Variants in DACH1 observed in about 807,000 individuals in gnomAD.
DACH1 encodes dachshund homolog 1.
DACH1 carries 12 observed loss-of-function variants against 54.2 expected under a neutral mutation model. That is an observed-to-expected ratio of 0.22 (90% confidence interval 0.14 to 0.36). DACH1 has a LOEUF of 0.36. Ranked by LOEUF, DACH1 falls within the 10% of genes least tolerant of loss-of-function variation. The probability of loss-of-function intolerance (pLI) is 1.00; values close to 1 mark genes in which losing one functional copy is unlikely to be tolerated. For missense variants in DACH1, 805 were observed against 929.8 expected (o/e 0.87, Z 1.75); for synonymous variants, 386 against 366.2 (o/e 1.05, Z -0.62).
intron 4 of DACH1, among the ~76,000 whole-genome samples, chr13:71,562,336 A>ACTTGATGC (rs1323284334): frequency 6.6e-6 from 1 of 152,164 alleles, no homozygotes; most frequent in Non-Finnish European, 1.5e-5. Flanking sequence ...TTTCCACTTA[A>ACTTGATGC]AATACTGCAA....
At chr13:71,679,572 G>T (rs892572887) in intron 2 of DACH1, among the ~76,000 whole-genome samples, 1 of 150,874 alleles carries the variant, frequency 6.6e-6, no homozygotes, top group Admixed American at 6.6e-5. Flanking sequence ...CAGAAAAAAT[G>T]ATTATTAAAA....
At chr13:71,448,859 C>G (rs1367686671) in intron 10 of DACH1, among the ~76,000 whole-genome samples, 6 of 150,398 alleles carry the variant, frequency 4.0e-5, no homozygotes, top group African/African-American at 1.5e-4. Context: ...ACTGGGGAAC[C>G]TGAGGCCTAC....
At chr13:71,845,143 G>A (rs1873142741) in intron 1 of DACH1, among the ~76,000 whole-genome samples, 1 of 152,074 alleles carries the variant, frequency 6.6e-6, no homozygotes, top group African/African-American at 2.4e-5. Flanking sequence ...AATGATAAAT[G>A]TTTGAGATGA....
intron 2 of DACH1, among the ~76,000 whole-genome samples, chr13:71,634,071 C>G (rs531728434): frequency 1.3e-5 from 2 of 151,558 alleles, no homozygotes; most frequent in East Asian, 3.9e-4. Context: ...CTCCAGGGTT[C>G]AAGCTCTTCT....
intron 3 of DACH1, among the ~76,000 whole-genome samples, chr13:71,587,404 C>G (rs1193018230): frequency 1.3e-5 from 2 of 152,064 alleles, no homozygotes; most frequent in African/African-American, 4.8e-5. Flanking sequence ...TGAAGTTTCA[C>G]TGCTTTGTGT....
intron 3 of DACH1, among the ~76,000 whole-genome samples, chr13:71,605,048 T>G (rs1167788962): frequency 1.3e-5 from 2 of 151,950 alleles, no homozygotes; most frequent in Non-Finnish European, 2.9e-5. Context: ...TCACTATAGA[T>G]GCAGTTCACT....
chr13:71,529,183 G>GTTTTTTTTTTTTTTTTTTT (rs10707603), intron 6 of DACH1, among the ~76,000 whole-genome samples: 1 of 80,980 alleles, frequency 1.2e-5, no homozygotes, highest in African/African-American at 4.4e-5. Context: ...TGTGATTTGG[G>GTTTTTTTTTTTTTTTTTTT]TTTTTTTTTT....
At chr13:71,662,314 G>T (rs1879557934) in intron 2 of DACH1, among the ~76,000 whole-genome samples, 1 of 151,926 alleles carries the variant, frequency 6.6e-6, no homozygotes, top group Non-Finnish European at 1.5e-5. Flanking sequence ...ATGAATACAT[G>T]CTTTTTTAAA....
At chr13:71,486,562 A>G (rs1878518220) in intron 7 of DACH1, among the ~76,000 whole-genome samples, 2 of 152,142 alleles carry the variant, frequency 1.3e-5, no homozygotes, top group Admixed American at 1.3e-4. Flanking sequence ...ATCATTACTA[A>G]CAATAAATAT....
intron 10 of DACH1, among the ~76,000 whole-genome samples, chr13:71,445,738 A>G (rs977025415): frequency 1.6e-4 from 25 of 152,226 alleles, no homozygotes; most frequent in African/African-American, 6.0e-4. Flanking sequence ...CTGTAGGAAC[A>G]AAATTTTAAA....
intron 7 of DACH1, among the ~76,000 whole-genome samples, chr13:71,488,109 T>C (rs1878688747): frequency 6.6e-6 from 1 of 152,178 alleles, no homozygotes; most frequent in Non-Finnish European, 1.5e-5. Context: ...ATTAATTACA[T>C]TTCCACTGGG....
At chr13:71,748,863 T>TTTC (rs1274059689) in intron 1 of DACH1, among the ~76,000 whole-genome samples, 1 of 23,458 alleles carries the variant, frequency 4.3e-5, no homozygotes, top group African/African-American at 8.6e-5. Flanking sequence ...TCTTTCTTTC[T>TTTC]TTCTTTCTTT....
chr13:71,761,210 G>A (rs1885387371), intron 1 of DACH1, among the ~76,000 whole-genome samples: 1 of 151,956 alleles, frequency 6.6e-6, no homozygotes, highest in Non-Finnish European at 1.5e-5. Context: ...AGTCTCTCAG[G>A]AAATCGTTTT....
rs1210038836 is a variant in DACH1, at chr13:71,788,731, A to G, written c.848+77191T>C. On this transcript the variant is annotated intron_variant, in intron 1 of 10. Transcript: ENST00000613252. ...TGGCTAATGTATCATAATGAAAATA[A>G]TGTACCCAAGTTGAACTTCAACCTT... 3.9e-5 allele frequency among the ~76,000 whole-genome samples: 6 copies of G among 152,192 alleles called. No individual in the cohort carries two copies. The East Asian group carries it at 1.2e-3, about 30-fold the overall frequency.
chr13:71,706,918 T>C (rs568269312), intron 1 of DACH1, among the ~76,000 whole-genome samples: 31 of 152,344 alleles, frequency 2.0e-4, no homozygotes, highest in Non-Finnish European at 4.0e-4. Flanking sequence ...TTAAAGACCG[T>C]ATTGATAAAC....
chr13:71,466,146 T>C (rs1169131066), intron 10 of DACH1, among the ~76,000 whole-genome samples: 1 of 152,158 alleles, frequency 6.6e-6, no homozygotes. Flanking sequence ...ATTTCACCGG[T>C]GCACTGTTTA....
At chr13:71,637,060 T>C (rs1877540773) in intron 2 of DACH1, among the ~76,000 whole-genome samples, 2 of 152,142 alleles carry the variant, frequency 1.3e-5, no homozygotes, top group Non-Finnish European at 2.9e-5. Flanking sequence ...TAGAAGTTAT[T>C]TGTAGTCTAG....
chr13:71,688,045 C>T (rs567294784), intron 1 of DACH1, among the ~76,000 whole-genome samples: 2 of 152,214 alleles, frequency 1.3e-5, no homozygotes, highest in Non-Finnish European at 2.9e-5. Flanking sequence ...TAATTAACCA[C>T]ATATAATTGT....
At chr13:71,692,668 G>A (rs1176563195) in intron 1 of DACH1, among the ~76,000 whole-genome samples, 5 of 151,260 alleles carry the variant, frequency 3.3e-5, no homozygotes, top group South Asian at 2.1e-4. Flanking sequence ...GACTACAGGC[G>A]TGCACCACCA....
Sources: allele counts gnomAD v4.1 joint callset (sites outside exome capture counted in the v4.1 genomes callset), GRCh38; gene constraint gnomAD v4.1.1; transcripts MANE v1.5; gene names NCBI Gene and HGNC (gene_info 2026-07-23, HGNC 2026-07-21).